SCUBE1: variants seen among roughly 807,000 people sequenced by gnomAD.
The protein encoded by SCUBE1 is signal peptide, CUB domain and EGF like domain containing 1, also known as signal peptide, CUB and EGF-like domain-containing protein 1.
A neutral mutation model predicts 124.4 loss-of-function variants in SCUBE1; 59 were observed. The ratio of observed to expected loss-of-function variants is 0.47; its 90% CI spans 0.38 to 0.59. SCUBE1 has a LOEUF of 0.59. Among genes scored for constraint, SCUBE1 ranks in the 20% least tolerant of loss-of-function variants. The pLI, the probability that SCUBE1 is intolerant of heterozygous loss-of-function variation, is 0.00. For synonymous variants in SCUBE1, 545 were observed against 550.9 expected (o/e 0.99, Z 0.15); for missense variants, 1,150 against 1,371.2 (o/e 0.84, Z 2.55).
At chr22:43,221,364 A>T in intron 12 of SCUBE1, 75 bp from the exon 13 acceptor site, 3 of 616,476 alleles carry the variant, frequency 4.9e-6, no homozygotes, top group Non-Finnish European at 5.7e-6. Context: ...GGGGGCTGCC[A>T]GGGGACAAAT....
intron 3 of SCUBE1, among the ~76,000 whole-genome samples, chr22:43,296,149 T>C (rs1949359794): frequency 6.6e-6 from 1 of 152,218 alleles, no homozygotes; most frequent in African/African-American, 2.4e-5. Context: ...CTCTGTGGCC[T>C]GCACCCTACC....
intron 2 of SCUBE1, among the ~76,000 whole-genome samples, chr22:43,332,942 G>C (rs1926949940): frequency 6.6e-6 from 1 of 152,170 alleles, no homozygotes; most frequent in Non-Finnish European, 1.5e-5. Context: ...AGGTGACCCT[G>C]TCATCCAGCA....
At chr22:43,229,486 T>A (rs1267128671) in intron 8 of SCUBE1, among the ~76,000 whole-genome samples, 1 of 152,140 alleles carries the variant, frequency 6.6e-6, no homozygotes, top group Non-Finnish European at 1.5e-5. Context: ...TTTTACTATC[T>A]CACAGTCAGC....
intron 3 of SCUBE1, 142 bp downstream of exon 3, chr22:43,319,794 TG>T: frequency 2.1e-6 from 2 of 931,426 alleles, no homozygotes; most frequent in South Asian, 1.9e-5. Context: ...ACCCAGTCTG[TG>T]GTATTTTGTT....
Position 43,218,177 on chromosome 22 carries a change from T to C in SCUBE1, c.1891+78A>G, listed in dbSNP as rs1341286010. ...TCCCCAGGTGTCTGTCTCACCTGCGTGCCCACCACTGTTTACCCCGGCTCA... is the reference window on the plus strand; with the variant it reads ...TCCCCAGGTGTCTGTCTCACCTGCGCGCCCACCACTGTTTACCCCGGCTCA... On this transcript the variant is annotated intron_variant, in intron 15 of 21. Coordinates refer to ENST00000360835, the MANE Select transcript of SCUBE1 (RefSeq NM_173050.5). 8 of 1,413,456 alleles carry C rather than the reference T, an allele frequency of 5.7e-6. No individual in the cohort carries two copies. The East Asian group carries it at 1.8e-4, about 32-fold the overall frequency. The allele number at this position is 1,413,456 out of a possible 1,614,324, so 87.6% of individuals were successfully genotyped here. A position where few individuals can be genotyped will look rare whatever the true frequency, so the allele number is the denominator to read the frequency against.
chr22:43,276,450 C>A (rs1924522896), intron 4 of SCUBE1, among the ~76,000 whole-genome samples: 1 of 152,206 alleles, frequency 6.6e-6, no homozygotes, highest in Non-Finnish European at 1.5e-5. Flanking sequence ...GTGACGAGGA[C>A]CTGGGGAATG....
intron 21 of SCUBE1, among the ~76,000 whole-genome samples, chr22:43,205,407 C>G (rs1186473936): frequency 6.6e-6 from 1 of 152,018 alleles, no homozygotes; most frequent in Non-Finnish European, 1.5e-5. Flanking sequence ...TGGCGGAGGT[C>G]TGGTTCCTGA....
Position 43,214,077 on chromosome 22 carries a change from G to A in SCUBE1, c.2053+13C>T. The A allele has an allele frequency of 7.1e-7, 1 of 1,404,296 alleles. No individual in the cohort carries two copies. Among genetic ancestry groups the A allele is most frequent in the East Asian group, 2.8e-5 (1 of 35,088 alleles). 87.0% of individuals were successfully genotyped at this position (1,404,296 alleles called of 1,614,324 possible). A position where few individuals can be genotyped will look rare whatever the true frequency, so the allele number is the denominator to read the frequency against. ...CCCCCCACCCCCACCTCTCCTTCTA[G>A]GCCCGCACTTGCCTCCACATTCCGA... On this transcript the variant is annotated intron_variant, in intron 16 of 21. Transcript: ENST00000360835.
intron 4 of SCUBE1, chr22:43,283,762 CCACTCTT>C (rs1925020788): frequency 6.6e-6 from 1 of 152,268 alleles, no homozygotes; most frequent in African/African-American, 2.4e-5. Context: ...GCATCTGAGA[CCACTCTT>C]CACTATTTTT....
chr22:43,228,973 G>T, intron 9 of SCUBE1, 99 bp downstream of exon 9: 2 of 852,518 alleles, frequency 2.3e-6, no homozygotes, highest in Non-Finnish European at 3.8e-6. Flanking sequence ...GGCCCCCCAG[G>T]GTTGAGGGCA....
At position 43,203,644 on chromosome 22, in the gene SCUBE1, C is replaced by G. The variant is rs1601788671; in HGVS notation, c.*353G>C. On this transcript the variant is annotated 3_prime_UTR_variant, in exon 22 of 22. Coordinates refer to ENST00000360835, the MANE Select transcript of SCUBE1 (RefSeq NM_173050.5). The stretch of plus-strand genomic sequence containing the variant: ...TGGACTCCTGTCTCGGATGACCACG[C>G]CTCCCAGAGCACAGGCCCCACTTCC... The G allele has an allele frequency of 1.5e-5, 3 of 194,014 alleles. No individual in the cohort carries two copies. In the East Asian group the frequency reaches 4.3e-4, roughly 28 times the overall value. The allele number at this position is 194,014 out of a possible 1,614,324, so 12.0% of individuals were successfully genotyped here. A position where few individuals can be genotyped will look rare whatever the true frequency, so the allele number is the denominator to read the frequency against.
chr22:43,274,804 C>T (rs1434556195), intron 4 of SCUBE1, among the ~76,000 whole-genome samples: 1 of 152,066 alleles, frequency 6.6e-6, no homozygotes, highest in African/African-American at 2.4e-5. Context: ...GGCTGGAGTC[C>T]CGGCTGCGTC....
intron 5 of SCUBE1, among the ~76,000 whole-genome samples, chr22:43,259,948 A>T (rs993494988): frequency 2.0e-5 from 3 of 152,270 alleles, no homozygotes; most frequent in Admixed American, 6.5e-5. Flanking sequence ...CTCAGCTTTC[A>T]TCTCTCAACA....
intron 4 of SCUBE1, among the ~76,000 whole-genome samples, chr22:43,281,586 T>TCAGCCACCC (rs1569011189): frequency 3.6e-5 from 4 of 110,010 alleles, no homozygotes; most frequent in African/African-American, 1.4e-4. Context: ...GTCACCTCCC[T>TCAGCCACCC]TCTCAGCCAC....
At chr22:43,209,299 C>T (rs529282308) in intron 19 of SCUBE1, among the ~76,000 whole-genome samples, 2 of 152,310 alleles carry the variant, frequency 1.3e-5, no homozygotes, top group East Asian at 3.9e-4. Context: ...TCCTGCTCTT[C>T]CTTCCCTAAC....
At chr22:43,293,746 T>G (rs1332267584) in intron 3 of SCUBE1, among the ~76,000 whole-genome samples, 7 of 152,240 alleles carry the variant, frequency 4.6e-5, no homozygotes, top group Non-Finnish European at 8.8e-5. Flanking sequence ...CTCATGGTTC[T>G]CAGATTCCCT....
intron 8 of SCUBE1, among the ~76,000 whole-genome samples, 166 bp from the exon 9 acceptor site, chr22:43,229,354 C>G (rs1922460984): frequency 6.6e-6 from 1 of 152,200 alleles, no homozygotes; most frequent in Non-Finnish European, 1.5e-5. Flanking sequence ...CCTTGCTGCT[C>G]GACTTTCCAT....
intron 15 of SCUBE1, among the ~76,000 whole-genome samples, chr22:43,215,860 G>T (rs530425512): frequency 6.6e-6 from 1 of 152,106 alleles, no homozygotes; most frequent in Non-Finnish European, 1.5e-5. Flanking sequence ...AATGGGGTGG[G>T]TGTGTGGGTT....
chr22:43,214,693 G>A (rs1374199673), intron 15 of SCUBE1, among the ~76,000 whole-genome samples: 1 of 152,186 alleles, frequency 6.6e-6, no homozygotes, highest in Non-Finnish European at 1.5e-5. Flanking sequence ...GAGGGACTGG[G>A]GCTCAAATAG....
Sources: gnomAD v4.1 joint callset for allele counts (sites outside exome capture counted in the v4.1 genomes callset) on GRCh38, gnomAD v4.1.1 for gene constraint, MANE v1.5 for transcripts, NCBI Gene and HGNC (gene_info 2026-07-23, HGNC 2026-07-21) for gene names.